NEK4: variants seen among roughly 807,000 people sequenced by gnomAD.
The protein encoded by NEK4 is serine/threonine-protein kinase Nek4.
NEK4 carries 86 observed loss-of-function variants against 98.4 expected under a neutral mutation model. The ratio of observed to expected loss-of-function variants is 0.87; its 90% confidence interval spans 0.73 to 1.05. NEK4 has a LOEUF of 1.05. NEK4 is among the 50% of genes least tolerant of loss of function. The probability of loss-of-function intolerance (pLI) is 0.00; values close to 1 mark genes in which losing one functional copy is unlikely to be tolerated. For missense variants in NEK4, 898 were observed against 950.3 expected, an observed-to-expected ratio of 0.94 and a Z score of 0.72; for synonymous variants, 328 against 342.2, an observed-to-expected ratio of 0.96 and a Z score of 0.46.
At chr3:52,718,776 G>A (rs538321424) in intron 15 of NEK4, among the ~76,000 whole-genome samples, 2 of 152,064 alleles carry the variant, frequency 1.3e-5, no homozygotes, top group East Asian at 3.9e-4. Context: ...TTTTTGAGAC[G>A]GAGTTCCGCT....
chr3:52,755,208 G>A (rs934879838), intron 6 of NEK4, among the ~76,000 whole-genome samples: 4 of 151,462 alleles, frequency 2.6e-5, no homozygotes, highest in Non-Finnish European at 5.9e-5. Context: ...CAGGCAAATC[G>A]GCAAATCCAT....
At chr3:52,751,219 G>T (rs2097404336) in intron 7 of NEK4, among the ~76,000 whole-genome samples, 1 of 152,144 alleles carries the variant, frequency 6.6e-6, no homozygotes, top group Non-Finnish European at 1.5e-5. Flanking sequence ...ACTTTGGGAG[G>T]CCAAGATGGG....
In NEK4 at chr3:52,768,474, C is replaced by G; in HGVS notation, c.224G>C (p.Gly75Ala). 6.2e-7 allele frequency: 1 copy of G among 1,614,210 alleles called. No individual in the cohort carries two copies. Residue 75 changes from glycine to alanine, a missense_variant, in exon 2 of 16, where the codon GGA becomes GCA. Transcript: ENST00000233027. ...IVTYKESWEGGDGLLYIVMGF... is the reference protein window; with the variant it reads ...IVTYKESWEGADGLLYIVMGF... ...CATGACAATGTAGAGCAGACCATCT[C>G]CTCCTTCCCATGACTCCTTGTAGGT... is the stretch of plus-strand genomic sequence containing the variant.
In NEK4 at chr3:52,743,339, G is replaced by A; in HGVS notation, c.2004+13C>T. ...AGACTGTCCACCTTCTCTCTTAGGA[G>A]TACGTAATGCACCTGAGTGACGCTG... On this transcript the variant is annotated intron_variant, in intron 12 of 15. Transcript: ENST00000233027. 2 of 1,600,334 alleles carry A rather than the reference G, an allele frequency of 1.2e-6. No individual in the cohort carries two copies. Among genetic ancestry groups the A allele is most frequent in the East Asian group, 2.2e-5 (1 of 44,816 alleles).
chr3:52,713,471 A>C (rs1276151220), intron 15 of NEK4, among the ~76,000 whole-genome samples: 3 of 68,668 alleles, frequency 4.4e-5, no homozygotes, highest in Admixed American at 4.4e-4. Context: ...TGCAAAAAAT[A>C]AAATAAACAT....
At chr3:52,726,826 C>T (rs2154102538) in intron 15 of NEK4, among the ~76,000 whole-genome samples, 1 of 151,486 alleles carries the variant, frequency 6.6e-6, no homozygotes, top group South Asian at 2.1e-4. Flanking sequence ...ACTGCTTGTA[C>T]CTGGGAGGCG....
intron 15 of NEK4, among the ~76,000 whole-genome samples, chr3:52,723,249 C>T (rs2097361673): frequency 6.6e-6 from 1 of 151,900 alleles, no homozygotes; most frequent in Non-Finnish European, 1.5e-5. Context: ...AAGAGAAAGA[C>T]ATAAAAAGAA....
At chr3:52,754,364 G>C (rs752774310) in intron 6 of NEK4, 1 of 436,668 alleles carries the variant, frequency 2.3e-6, no homozygotes, top group Non-Finnish European at 4.6e-6. Context: ...ACAATATGCA[G>C]GGAGAGTTTT....
chr3:52,723,625 A>C (rs2097362015), intron 15 of NEK4, among the ~76,000 whole-genome samples: 1 of 152,192 alleles, frequency 6.6e-6, no homozygotes, highest in African/African-American at 2.4e-5. Context: ...AGAAATAGTG[A>C]ACTTGAAGAT....
chr3:52,721,800 G>A (rs1413567693), intron 15 of NEK4, among the ~76,000 whole-genome samples: 6 of 151,740 alleles, frequency 4.0e-5, no homozygotes, highest in Non-Finnish European at 7.4e-5. Context: ...GCATGTACAT[G>A]CCCAGGGGAA....
intron 15 of NEK4, chr3:52,733,417 T>A: frequency 2.6e-6 from 1 of 383,544 alleles, no homozygotes; most frequent in Non-Finnish European, 5.1e-6. Context: ...TTAGCGCCCA[T>A]CTTGTAATCC....
intron 4 of NEK4, among the ~76,000 whole-genome samples, chr3:52,764,780 A>G (rs1044023010): frequency 1.9e-5 from 1 of 51,728 alleles, no homozygotes; most frequent in Non-Finnish European, 4.1e-5. Context: ...ACACACATGC[A>G]CACACACACA....
chr3:52,721,119 T>C (rs2154102198), intron 15 of NEK4, among the ~76,000 whole-genome samples: 1 of 152,340 alleles, frequency 6.6e-6, no homozygotes, highest in East Asian at 1.9e-4. Flanking sequence ...CCAAGCACTC[T>C]GCACCCAGTG....
chr3:52,740,672 T>C (rs2097384285), intron 13 of NEK4, among the ~76,000 whole-genome samples: 1 of 151,896 alleles, frequency 6.6e-6, no homozygotes, highest in South Asian at 2.1e-4. Context: ...GTGCCTGTAA[T>C]CCCAGCTACT....
chr3:52,734,779 T>C, intron 15 of NEK4: 1 of 253,032 alleles, frequency 4.0e-6, no homozygotes, highest in South Asian at 5.7e-5. Flanking sequence ...AATTCAACCC[T>C]CCCAAAACTG....
chr3:52,743,079 C>T (rs1406152089), intron 12 of NEK4: 1 of 289,126 alleles, frequency 3.5e-6, no homozygotes, highest in African/African-American at 2.2e-5. Context: ...GCCACTGCAT[C>T]AGGCCAGGAA....
At chr3:52,727,476 TG>T (rs2097365601) in intron 15 of NEK4, among the ~76,000 whole-genome samples, 1 of 152,204 alleles carries the variant, frequency 6.6e-6, no homozygotes, top group African/African-American at 2.4e-5. Flanking sequence ...CCCAAATTTG[TG>T]GGAACCAAAT....
chr3:52,756,594 A>G (rs1578688532), intron 6 of NEK4, among the ~76,000 whole-genome samples: 1 of 152,326 alleles, frequency 6.6e-6, no homozygotes, highest in Admixed American at 6.5e-5. Flanking sequence ...ACCATATATA[A>G]AAATTAACTC....
chr3:52,751,932 C>T lies in NEK4; in HGVS notation c.1368G>A (p.Gln456=), dbSNP rs1457463625. 1.9e-6 allele frequency: 3 copies of T among 1,612,072 alleles called. No individual in the cohort carries two copies. The highest frequency in any genetic ancestry group is 2.5e-6 in the Non-Finnish European group (3 of 1,179,352). ...PLIKEQKPKD[Q]SLALSPKLEC... ...TATCTCATGTGTGCATATCACTCAC[C>T]TGGTCCTTTGGCTTTTGTTCTTTGA... The change falls in exon 7 of 16, where the codon CAG becomes CAA. Residue 456 remains glutamine (Q), a splice_region_variant and synonymous_variant. Coordinates refer to ENST00000233027, the MANE Select transcript of NEK4 (RefSeq NM_003157.6).
Sources: gnomAD v4.1 joint callset for allele counts (sites outside exome capture counted in the v4.1 genomes callset) on GRCh38, gnomAD v4.1.1 for gene constraint, MANE v1.5 for transcripts, NCBI Gene and HGNC (gene_info 2026-07-23, HGNC 2026-07-21) for gene names.